The following MSI2 variants were observed in gnomAD, a reference collection of about 807,000 sequenced individuals.
The protein encoded by MSI2 is musashi RNA binding protein 2, also known as RNA-binding protein Musashi homolog 2.
Under a neutral mutation model 45.6 loss-of-function variants are expected in MSI2, and 17 were observed. The observed-to-expected ratio is 0.37, with a 90% CI of 0.26 to 0.56. The LOEUF (loss-of-function observed/expected upper bound fraction) is 0.56. Among genes scored for constraint, MSI2 ranks in the 20% least tolerant of loss-of-function variants. The probability of loss-of-function intolerance (pLI) is 0.77; values close to 1 mark genes in which losing one functional copy is unlikely to be tolerated. For missense variants in MSI2, 293 were observed against 444.2 expected (o/e 0.66, Z 3.06); for synonymous variants, 156 against 158.2 (o/e 0.99, Z 0.11).
At chr17:57,675,440 A>G (rs937183834) in intron 12 of MSI2, among the ~76,000 whole-genome samples, 1 of 152,150 alleles carries the variant, frequency 6.6e-6, no homozygotes, top group African/African-American at 2.4e-5. Flanking sequence ...TGGCTGCAAA[A>G]CCAGAATCTC....
At chr17:57,344,017 G>T (rs1002572314) in intron 5 of MSI2, among the ~76,000 whole-genome samples, 2 of 152,164 alleles carry the variant, frequency 1.3e-5, no homozygotes, top group African/African-American at 2.4e-5. Flanking sequence ...TTTCTCCACT[G>T]TATAGTTACT....
chr17:57,407,948 G>A lies in MSI2; in HGVS notation c.405+6477G>A, dbSNP rs537621534. Reference sequence around the variant, plus strand: ...GCTGCTCAGTGGGAAACAGCACAGCGAGTAGACAGGAGAATCCTGCTTCCT... The same window carrying A: ...GCTGCTCAGTGGGAAACAGCACAGCAAGTAGACAGGAGAATCCTGCTTCCT... On this transcript the variant is annotated intron_variant, in intron 6 of 13. Coordinates refer to ENST00000284073, the MANE Select transcript of MSI2 (RefSeq NM_138962.4). The surrounding 1 kb of genome is among the most constrained non-coding windows in gnomAD (Gnocchi z 4.1). 1.3e-5 allele frequency among the ~76,000 whole-genome samples: 2 copies of A among 152,310 alleles called. No individual in the cohort carries two copies. The highest frequency in any genetic ancestry group is 2.4e-5 in the African/African-American group (1 of 41,564).
chr17:57,648,072 C>T (rs533606771), intron 10 of MSI2, among the ~76,000 whole-genome samples: 1 of 152,106 alleles, frequency 6.6e-6, no homozygotes, highest in African/African-American at 2.4e-5. Context: ...AAGTGATTCT[C>T]CTGCCTCAGC....
intron 7 of MSI2, among the ~76,000 whole-genome samples, chr17:57,555,641 C>G (rs2087417091): frequency 6.6e-6 from 1 of 152,236 alleles, no homozygotes; most frequent in African/African-American, 2.4e-5. Context: ...TTTCCCTACA[C>G]TGACTCCCCC....
At chr17:57,544,712 C>G (rs1342148238) in intron 7 of MSI2, among the ~76,000 whole-genome samples, 1 of 152,172 alleles carries the variant, frequency 6.6e-6, no homozygotes, top group Non-Finnish European at 1.5e-5. Context: ...TAAAAACATC[C>G]TATTTTAAAA....
At chr17:57,593,524 CCT>C (rs1007158871) in intron 7 of MSI2, among the ~76,000 whole-genome samples, 16 of 152,102 alleles carry the variant, frequency 1.1e-4, no homozygotes, top group South Asian at 2.1e-4. Flanking sequence ...TCAAATATCC[CCT>C]GTTTGTCTTT....
chr17:57,349,540 T>C (rs938171032), intron 5 of MSI2, among the ~76,000 whole-genome samples: 15 of 152,204 alleles, frequency 9.9e-5, no homozygotes, highest in Non-Finnish European at 1.9e-4. Context: ...GTCAATTATA[T>C]GTACTGGGGG....
intron 5 of MSI2, among the ~76,000 whole-genome samples, chr17:57,310,975 AT>A (rs1912351336): frequency 6.6e-6 from 1 of 152,140 alleles, no homozygotes. Flanking sequence ...GAATAACACC[AT>A]TTTTTGAACG....
intron 9 of MSI2, chr17:57,626,007 G>A (rs1342533192): frequency 6.6e-6 from 1 of 152,234 alleles, no homozygotes; most frequent in Admixed American, 6.5e-5. Context: ...TCCTAAGGAG[G>A]GCTTCCGTCT....
intron 5 of MSI2, among the ~76,000 whole-genome samples, chr17:57,387,568 G>A (rs1224418975): frequency 6.6e-6 from 1 of 152,234 alleles, no homozygotes; most frequent in Non-Finnish European, 1.5e-5. Context: ...ACACTGCCTT[G>A]TGTTGAGGTA....
intron 5 of MSI2, among the ~76,000 whole-genome samples, chr17:57,327,163 A>G (rs1291725390): frequency 1.3e-5 from 2 of 152,194 alleles, no homozygotes; most frequent in East Asian, 3.8e-4. Flanking sequence ...AATCCAAGCA[A>G]CTTGGGAAGC....
chr17:57,269,550 C>T (rs891852089), intron 5 of MSI2, among the ~76,000 whole-genome samples: 2 of 152,200 alleles, frequency 1.3e-5, no homozygotes. Flanking sequence ...CCACCTCTAC[C>T]TTTGGGGTGT....
At chr17:57,260,220 T>G (rs1907182376) in intron 4 of MSI2, among the ~76,000 whole-genome samples, 1 of 152,216 alleles carries the variant, frequency 6.6e-6, no homozygotes, top group African/African-American at 2.4e-5. Context: ...AAGGTTGGGA[T>G]TTGCCATGCT....
chr17:57,546,643 G>A (rs1290624967), intron 7 of MSI2, among the ~76,000 whole-genome samples: 2 of 152,200 alleles, frequency 1.3e-5, no homozygotes, highest in East Asian at 3.8e-4. Flanking sequence ...GGCTGTGGGT[G>A]GATTCCAGCT....
chr17:57,499,882 T>C (rs960561492), intron 6 of MSI2, among the ~76,000 whole-genome samples: 1 of 152,174 alleles, frequency 6.6e-6, no homozygotes, highest in African/African-American at 2.4e-5. Flanking sequence ...TCAAACTCCT[T>C]GTACAGAAGC....
chr17:57,443,559 A>C (rs558099989), intron 6 of MSI2, among the ~76,000 whole-genome samples: 1 of 152,244 alleles, frequency 6.6e-6, no homozygotes, highest in African/African-American at 2.4e-5. Flanking sequence ...ACCAACTCCC[A>C]TCTGCAGAGG....
At chr17:57,611,395 A>G (rs2144542056) in intron 8 of MSI2, among the ~76,000 whole-genome samples, 1 of 96,036 alleles carries the variant, frequency 1.0e-5, no homozygotes, top group East Asian at 2.7e-4. Flanking sequence ...CTAGGTGCCC[A>G]CTGCTCCAAG....
At chr17:57,392,727 G>T (rs1486055276) in intron 5 of MSI2, among the ~76,000 whole-genome samples, 2 of 152,170 alleles carry the variant, frequency 1.3e-5, no homozygotes, top group Non-Finnish European at 2.9e-5. Flanking sequence ...GTGGTCACCT[G>T]TGGGTGACCT....
At chr17:57,557,184 C>G (rs559513841) in intron 7 of MSI2, among the ~76,000 whole-genome samples, 1 of 152,180 alleles carries the variant, frequency 6.6e-6, no homozygotes, top group African/African-American at 2.4e-5. Context: ...TCTTAAGAAA[C>G]GTTAACGATG....
Sources: gnomAD v4.1 joint callset for allele counts (sites outside exome capture counted in the v4.1 genomes callset) on GRCh38, gnomAD v4.1.1 for gene constraint, Gnocchi (gnomAD v3.1) non-coding constraint, MANE v1.5 for transcripts, NCBI Gene and HGNC (gene_info 2026-07-23, HGNC 2026-07-21) for gene names.